Variants in SLC25A48 observed in about 807,000 individuals in gnomAD.
SLC25A48 encodes solute carrier family 25 member 48.
In SLC25A48, 29 loss-of-function variants were observed where a neutral mutation model predicts 32.2. The ratio of observed to expected loss-of-function variants is 0.90; its 90% CI spans 0.67 to 1.23. The LOEUF (loss-of-function observed/expected upper bound fraction) is 1.23, where lower values mean the gene tolerates loss of function less well. Ranked by LOEUF, SLC25A48 falls within the 50% of genes most tolerant of loss-of-function variation. The pLI is 0.00. For synonymous variants in SLC25A48, 164 were observed against 172.3 expected (o/e 0.95, Z 0.38); for missense variants, 399 against 422.7 (o/e 0.94, Z 0.49).
intron 4 of SLC25A48, among the ~76,000 whole-genome samples, chr5:135,866,453 G>C (rs1174912109): frequency 6.6e-6 from 1 of 152,220 alleles, no homozygotes; most frequent in Non-Finnish European, 1.5e-5. Flanking sequence ...CTGGGTCCCT[G>C]GGTTCTGGAA....
intron 3 of SLC25A48, among the ~76,000 whole-genome samples, chr5:135,730,035 G>A (rs779806474): frequency 2.6e-5 from 4 of 152,180 alleles, no homozygotes; most frequent in Non-Finnish European, 5.9e-5. Flanking sequence ...ACTGACAGGT[G>A]TAAGGTATAT....
chr5:135,869,515 CCT>C (rs1761478236), intron 4 of SLC25A48, among the ~76,000 whole-genome samples: 1 of 152,160 alleles, frequency 6.6e-6, no homozygotes, highest in Admixed American at 6.5e-5. Context: ...TTATCAAGAT[CCT>C]CTCCCTCAGT....
intron 4 of SLC25A48, among the ~76,000 whole-genome samples, chr5:135,826,165 G>C (rs1054715542): frequency 6.6e-6 from 1 of 151,990 alleles, no homozygotes; most frequent in Non-Finnish European, 1.5e-5. Flanking sequence ...CCCAACCCTT[G>C]GCAGATTCTC....
At chr5:135,642,043 T>C (rs1752851170) in intron 3 of SLC25A48, among the ~76,000 whole-genome samples, 1 of 152,140 alleles carries the variant, frequency 6.6e-6, no homozygotes, top group African/African-American at 2.4e-5. Context: ...TAATGAGCAG[T>C]GGTAGTATAA....
intron 3 of SLC25A48, among the ~76,000 whole-genome samples, chr5:135,808,947 C>T (rs1372069891): frequency 6.6e-6 from 1 of 152,076 alleles, no homozygotes; most frequent in East Asian, 1.9e-4. Context: ...TTGTTCTATA[C>T]CTTGTCATTT....
At position 135,888,098 on chromosome 5, in the gene SLC25A48, G is replaced by T; in HGVS notation, c.*74G>T. The T allele has an allele frequency of 6.4e-7, 1 of 1,551,142 alleles. No individual in the cohort carries two copies. The highest frequency in any genetic ancestry group is 2.4e-5 in the East Asian group (1 of 40,900). Reference sequence around the variant, plus strand: ...CTCTGCATGTGAAGCCCTGAGAGCTGCAGATGTTTGGCCTTTGGACCTCCA... The same window carrying T: ...CTCTGCATGTGAAGCCCTGAGAGCTTCAGATGTTTGGCCTTTGGACCTCCA... On this transcript the variant is annotated 3_prime_UTR_variant, in exon 8 of 8. Transcript: ENST00000681962.
At chr5:135,653,594 G>A (rs542721756) in intron 3 of SLC25A48, among the ~76,000 whole-genome samples, 6 of 152,290 alleles carry the variant, frequency 3.9e-5, no homozygotes, top group South Asian at 2.1e-4. Flanking sequence ...TGATAGAGAC[G>A]AGGAGTGTAC....
intron 3 of SLC25A48, among the ~76,000 whole-genome samples, chr5:135,772,707 A>G (rs1338986393): frequency 6.6e-6 from 1 of 151,558 alleles, no homozygotes. Flanking sequence ...ATATTCAGGA[A>G]AGGAGAGGAT....
At chr5:135,835,426 G>A (rs1758417778) in intron 1 of SLC25A48, among the ~76,000 whole-genome samples, 1 of 152,058 alleles carries the variant, frequency 6.6e-6, no homozygotes, top group Admixed American at 6.5e-5. Context: ...AGGCTGCGAG[G>A]AGCACTTATT....
At chr5:135,602,861 G>C (rs190776953) in intron 1 of SLC25A48, among the ~76,000 whole-genome samples, 233 of 152,228 alleles carry the variant, frequency 1.5e-3, no homozygotes, top group African/African-American at 5.4e-3. Context: ...AGAACACCTT[G>C]CATGTAGTTT....
chr5:135,820,170 C>T (rs532190040), intron 4 of SLC25A48, among the ~76,000 whole-genome samples: 3 of 152,176 alleles, frequency 2.0e-5, no homozygotes, highest in African/African-American at 4.8e-5. Flanking sequence ...AGACTGTATA[C>T]ACAGAAGGCT....
chr5:135,832,563 T>G (rs1476460754), upstream of SLC25A48, among the ~76,000 whole-genome samples: 1 of 152,072 alleles, frequency 6.6e-6, no homozygotes, highest in Non-Finnish European at 1.5e-5. Flanking sequence ...CCTTCCCTGA[T>G]TGCTTCCTGT....
chr5:135,838,229 CT>C (rs1409563838), intron 1 of SLC25A48, among the ~76,000 whole-genome samples: 1 of 152,182 alleles, frequency 6.6e-6, no homozygotes. Context: ...TTTAGGGTAT[CT>C]GGTGGAAGAA....
intron 4 of SLC25A48, among the ~76,000 whole-genome samples, chr5:135,854,828 G>A (rs576266231): frequency 2.0e-4 from 31 of 152,286 alleles, no homozygotes; most frequent in South Asian, 1.0e-3. Flanking sequence ...ACCTGTCTCC[G>A]CTTTCAACAT....
Position 135,698,678 on chromosome 5 carries a change from G to A in SLC25A48, c.-521+63722G>A, listed in dbSNP as rs1754321881. Among the ~76,000 whole-genome samples, 5 of 152,212 alleles carry A rather than the reference G, an allele frequency of 3.3e-5. No homozygotes were observed. The South Asian group carries it at 6.2e-4, about 19-fold the overall frequency. On this transcript the variant is annotated intron_variant, in intron 3 of 10. Transcript: ENST00000646290. The stretch of plus-strand genomic sequence containing the variant: ...AGATAGAATACAAAGGGCACTAGCC[G>A]TAAAAAGAAACAAGAATAAACTGGT...
chr5:135,600,947 C>T (rs1751783423), intron 1 of SLC25A48: 1 of 151,838 alleles, frequency 6.6e-6, no homozygotes, highest in African/African-American at 2.4e-5. Flanking sequence ...GCCTCGGCCT[C>T]CCAAAGTGCT....
At chr5:135,658,061 C>T (rs945685470) in intron 3 of SLC25A48, among the ~76,000 whole-genome samples, 1 of 152,192 alleles carries the variant, frequency 6.6e-6, no homozygotes, top group Non-Finnish European at 1.5e-5. Context: ...TCTCACATTT[C>T]AAAACACAGT....
intron 7 of SLC25A48, among the ~76,000 whole-genome samples, chr5:135,884,578 T>A (rs1029846265): frequency 8.5e-5 from 13 of 152,122 alleles, no homozygotes; most frequent in African/African-American, 3.1e-4. Context: ...GAGGCTCTAT[T>A]GATGGGAGAG....
At chr5:135,839,500 TA>T in intron 1 of SLC25A48, among the ~76,000 whole-genome samples, 1 of 152,222 alleles carries the variant, frequency 6.6e-6, no homozygotes, top group Admixed American at 6.5e-5. Flanking sequence ...CTTTTGATTT[TA>T]CAGGCTTATA....
Sources: gnomAD v4.1 joint callset for allele counts (sites outside exome capture counted in the v4.1 genomes callset) on GRCh38, gnomAD v4.1.1 for gene constraint, MANE v1.5 for transcripts, NCBI Gene and HGNC (gene_info 2026-07-23, HGNC 2026-07-21) for gene names.